Variants in TOGARAM2 observed in about 807,000 individuals in gnomAD.
TOGARAM2 encodes the protein TOG array regulator of axonemal microtubules protein 2.
In TOGARAM2, 85 loss-of-function variants were observed where a neutral mutation model predicts 93.3. That is an observed-to-expected ratio of 0.91 (90% CI 0.76 to 1.09). The LOEUF (loss-of-function observed/expected upper bound fraction) is 1.09, where lower values mean the gene tolerates loss of function less well. TOGARAM2 is among the 50% of genes least tolerant of loss of function. The pLI is 0.00. For missense variants in TOGARAM2, 1,277 were observed against 1,334.5 expected, an observed-to-expected ratio of 0.96 and a Z score of 0.67; for synonymous variants, 593 against 552.8, an observed-to-expected ratio of 1.07 and a Z score of -1.02.
In TOGARAM2 at chr2:28,981,385, CG is replaced by C. The variant is rs1167914636; in HGVS notation, c.-262del. On this transcript the variant is annotated 5_prime_UTR_variant, in exon 1 of 20. Coordinates refer to ENST00000379558, the MANE Select transcript of TOGARAM2 (RefSeq NM_199280.4). ...CAGCCCCTGCTCAGACAGGAGGCTG[CG>C]GCCCAGGACTGTGTGGCTGGTGGGG... 6.6e-6 allele frequency: 1 copy of C among 152,310 alleles called. No homozygotes were observed. Among genetic ancestry groups the C allele is most frequent in the Non-Finnish European group, 1.5e-5 (1 of 68,100 alleles). 9.4% of individuals were successfully genotyped at this position (152,310 alleles called of 1,614,324 possible).
chr2:28,975,754 A>G (rs958393086), intron 1 of TOGARAM2, among the ~76,000 whole-genome samples: 1 of 151,666 alleles, frequency 6.6e-6, no homozygotes, highest in African/African-American at 2.4e-5. Context: ...CTTTTTTTGC[A>G]GGGCATTTAT....
At chr2:29,004,843 G>A (rs1276382996) in intron 6 of TOGARAM2, among the ~76,000 whole-genome samples, 3 of 149,368 alleles carry the variant, frequency 2.0e-5, no homozygotes, top group Non-Finnish European at 4.4e-5. Context: ...ATGTGTATGA[G>A]TGCATCTGTG....
At chr2:29,041,127 C>G (rs113186660) in intron 18 of TOGARAM2, among the ~76,000 whole-genome samples, 1 of 150,960 alleles carries the variant, frequency 6.6e-6, no homozygotes, top group Non-Finnish European at 1.5e-5. Flanking sequence ...TGGGCTCAAG[C>G]GATGCTTCTG....
chr2:28,957,857 C>T (rs1671749198), intron 1 of TOGARAM2, among the ~76,000 whole-genome samples: 1 of 152,040 alleles, frequency 6.6e-6, no homozygotes, highest in South Asian at 2.1e-4. Flanking sequence ...CACTCTCTCA[C>T]AGCTGGGTGT....
chr2:28,992,535 G>A (rs1461447995), intron 1 of TOGARAM2, among the ~76,000 whole-genome samples: 2 of 152,110 alleles, frequency 1.3e-5, no homozygotes, highest in Non-Finnish European at 2.9e-5. Flanking sequence ...TGGGAAAACT[G>A]TCTTGTTCAG....
In TOGARAM2 at chr2:28,988,370, A is replaced by G. The variant is rs149839947; in HGVS notation, c.-110-6355A>G. Reference sequence around the variant, plus strand: ...TCACTGCCAATATCAAGGCCGTTCTACGTGCCCTTTCTCTCTTCCTGACCT... The same window carrying G: ...TCACTGCCAATATCAAGGCCGTTCTGCGTGCCCTTTCTCTCTTCCTGACCT... On this transcript the variant is annotated intron_variant, in intron 1 of 19. Coordinates refer to ENST00000379558, the MANE Select transcript of TOGARAM2 (RefSeq NM_199280.4). Among the ~76,000 whole-genome samples, 870 of 152,240 alleles carry G rather than the reference A, an allele frequency of 5.7e-3. 13 individuals are homozygous for G. Among genetic ancestry groups the G allele is most frequent in the African/African-American group, 0.02 (824 of 41,548 alleles).
chr2:29,017,062 C>T (rs1362872484), intron 8 of TOGARAM2, 92 bp from the exon 9 acceptor site: 5 of 1,497,858 alleles, frequency 3.3e-6, no homozygotes, highest in Non-Finnish European at 4.5e-6. Context: ...TCCAGGACAG[C>T]AATTGGCACA....
chr2:28,992,984 C>T (rs573801301), intron 1 of TOGARAM2, among the ~76,000 whole-genome samples: 7 of 150,544 alleles, frequency 4.6e-5, no homozygotes, highest in South Asian at 4.2e-4. Context: ...GGCTTGAATC[C>T]GGGAAGTGGA....
Position 29,026,996 on chromosome 2 carries a change from C to T in TOGARAM2, c.1997C>T (p.Ser666Phe). The T allele has an allele frequency of 1.9e-6, 3 of 1,561,862 alleles. No individual in the cohort carries two copies. Among genetic ancestry groups the T allele is most frequent in the Non-Finnish European group, 1.7e-6 (2 of 1,152,926 alleles). ...VHNLVRLAQD[S>F]NQDTRFYGRK... ...AACCTGGTGAGGCTGGCACAGGACT[C>T]CAACCAGGACACCAGGTAGGGCAGG... Residue 666 changes from serine to phenylalanine, a missense_variant, in exon 14 of 20, where the codon TCC becomes TTC. By Grantham distance (155) the Ser-to-Phe change is radical. Coordinates refer to ENST00000379558, the MANE Select transcript of TOGARAM2 (RefSeq NM_199280.4).
At chr2:29,018,222 A>G (rs1258115981) in intron 10 of TOGARAM2, 1 of 463,374 alleles carries the variant, frequency 2.2e-6, no homozygotes, top group Non-Finnish European at 3.8e-6. Context: ...CGGAGGAGTG[A>G]CCAGTGCACG....
intron 19 of TOGARAM2, chr2:29,049,056 G>T (rs1376108795): frequency 2.0e-5 from 3 of 149,716 alleles, no homozygotes; most frequent in Non-Finnish European, 4.4e-5. Flanking sequence ...TAGTAGAGAT[G>T]GGGTTTCTCC....
At chr2:29,012,249 C>T (rs184283238) in intron 7 of TOGARAM2, among the ~76,000 whole-genome samples, 9 of 152,252 alleles carry the variant, frequency 5.9e-5, no homozygotes, top group East Asian at 1.9e-4. Context: ...CTCTACTGCC[C>T]GGCAGGAGGG....
At chr2:29,029,753 C>CAAA (rs1665645253) in intron 14 of TOGARAM2, among the ~76,000 whole-genome samples, 1 of 74,010 alleles carries the variant, frequency 1.4e-5, no homozygotes, top group African/African-American at 4.9e-5. Context: ...AAGGCTCTGT[C>CAAA]TAAAAAAAAA....
intron 19 of TOGARAM2, chr2:29,047,234 TGTAA>T (rs1326768208): frequency 1.3e-5 from 2 of 152,360 alleles, no homozygotes; most frequent in Non-Finnish European, 2.9e-5. Flanking sequence ...GAACAGGGTA[TGTAA>T]GTAAGATGGT....
At chr2:28,987,922 C>T (rs1424527514) in intron 1 of TOGARAM2, among the ~76,000 whole-genome samples, 3 of 152,144 alleles carry the variant, frequency 2.0e-5, no homozygotes, top group Non-Finnish European at 2.9e-5. Context: ...GCCTTGGATG[C>T]CCCCACAGGG....
At chr2:29,034,632 G>T (rs765429055) in intron 16 of TOGARAM2, among the ~76,000 whole-genome samples, 13 of 152,232 alleles carry the variant, frequency 8.5e-5, no homozygotes, top group Non-Finnish European at 1.8e-4. Context: ...GGAGCTGAAG[G>T]TGGGAGACAG....
chr2:28,966,760 G>C (rs1005345158), intron 1 of TOGARAM2, among the ~76,000 whole-genome samples: 2 of 152,144 alleles, frequency 1.3e-5, no homozygotes, highest in Admixed American at 1.3e-4. Flanking sequence ...ATGTGTATAT[G>C]TATCTATAAA....
intron 1 of TOGARAM2, among the ~76,000 whole-genome samples, chr2:28,972,707 T>C (rs1180881837): frequency 6.6e-6 from 1 of 152,180 alleles, no homozygotes; most frequent in Non-Finnish European, 1.5e-5. Context: ...AGACCACAGC[T>C]GGAATAGAAC....
chr2:28,989,145 G>A (rs1672596782), intron 1 of TOGARAM2, among the ~76,000 whole-genome samples: 2 of 152,180 alleles, frequency 1.3e-5, no homozygotes, highest in South Asian at 4.1e-4. Context: ...TGCCTCCCAT[G>A]TTCAAGTGAT....
Sources: allele counts gnomAD v4.1 joint callset (sites outside exome capture counted in the v4.1 genomes callset), GRCh38; gene constraint gnomAD v4.1.1; transcripts MANE v1.5; gene names NCBI Gene and HGNC (gene_info 2026-07-23, HGNC 2026-07-21).